FRAS1: variants seen among roughly 807,000 people sequenced by gnomAD.
The protein encoded by FRAS1 is Fraser extracellular matrix complex subunit 1, also known as extracellular matrix organizing protein FRAS1.
In FRAS1, 290 loss-of-function variants were observed where a neutral mutation model predicts 435.2. The observed-to-expected ratio is 0.67, with a 90% CI of 0.61 to 0.73. The LOEUF (loss-of-function observed/expected upper bound fraction) is 0.73. Ranked by LOEUF, FRAS1 falls within the 30% of genes least tolerant of loss-of-function variation. FRAS1 has a pLI of 0.00. For missense variants in FRAS1, 4,860 were observed against 5,001.5 expected (o/e 0.97, Z 0.85); for synonymous variants, 1,800 against 1,851.0 (o/e 0.97, Z 0.71).
rs186539897 is a variant in FRAS1 at position 78,343,285 on chromosome 4, A to G, written c.2422+5468A>G. 1.0e-4 allele frequency among the ~76,000 whole-genome samples: 14 copies of G among 138,686 alleles called. No individual in the cohort carries two copies. In the East Asian group the frequency reaches 2.7e-3, roughly 27 times the overall value. The allele number at this position is 138,686 out of a possible 152,430, so 91.0% of individuals were successfully genotyped here. A position where few individuals can be genotyped will look rare whatever the true frequency, so the allele number is the denominator to read the frequency against. On this transcript the variant is annotated intron_variant, in intron 20 of 73. Transcript: ENST00000512123. ...ATTATAGCCTCTTACAGGGTTAGCCAGTGATATGCAGAACAATATTTTGGA... is the reference window on the plus strand; with the variant it reads ...ATTATAGCCTCTTACAGGGTTAGCCGGTGATATGCAGAACAATATTTTGGA...
Position 78,252,550 on chromosome 4 carries a change from G to A in FRAS1, c.468G>A (p.Gly156=). The A allele has an allele frequency of 6.2e-7, 1 of 1,612,442 alleles. No individual in the cohort carries two copies. Among genetic ancestry groups the A allele is most frequent in the East Asian group, 2.2e-5 (1 of 44,836 alleles). Residue 156 remains glycine (G), a splice_region_variant and synonymous_variant, in exon 5 of 74, where the codon GGG becomes GGA. Transcript: ENST00000512123. The part of the protein sequence containing the change: ...GSCCPVCVGL[G]KPCSYEGHVF... ...GCTGCCCAGTTTGTGTGGGCCTTGGGAGTGAGTATGAGCTTGTAGAAGGGG... is the reference window on the plus strand; with the variant it reads ...GCTGCCCAGTTTGTGTGGGCCTTGGAAGTGAGTATGAGCTTGTAGAAGGGG...
chr4:78,334,712 T>C (rs1028083068), intron 19 of FRAS1, among the ~76,000 whole-genome samples: 2 of 152,134 alleles, frequency 1.3e-5, no homozygotes, highest in African/African-American at 4.8e-5. Context: ...TATGTACAGA[T>C]ACGTGTGTGT....
In FRAS1 at chr4:78,255,347, C is replaced by A; in HGVS notation, c.575C>A (p.Ala192Asp). 1 of 1,591,226 alleles carries A rather than the reference C, an allele frequency of 6.3e-7. No individual in the cohort carries two copies. The highest frequency in any genetic ancestry group is 8.6e-7 in the Non-Finnish European group (1 of 1,168,392). The change falls in exon 6 of 74, where the codon GCT (alanine) becomes GAT (aspartate). Residue 192 changes from alanine to aspartate, a missense_variant. By Grantham distance (126) the Ala-to-Asp change is moderately radical. Transcript: ENST00000512123. ...AATGGGGTTGCCCAGTGCTTCACAG[C>A]TCAGTGTCAGCCTCTATTTTGTAAC... The part of the protein sequence containing the change: ...CRNGVAQCFT[A>D]QCQPLFCNQD...
intron 32 of FRAS1, among the ~76,000 whole-genome samples, chr4:78,417,359 T>G (rs1733591514): frequency 6.6e-6 from 1 of 152,196 alleles, no homozygotes; most frequent in South Asian, 2.1e-4. Flanking sequence ...TCAGTTATTA[T>G]GATAGTTTTG....
chr4:78,512,428 A>T (rs1721069157), intron 64 of FRAS1, among the ~76,000 whole-genome samples: 1 of 152,188 alleles, frequency 6.6e-6, no homozygotes, highest in African/African-American at 2.4e-5. Flanking sequence ...GATTCTACTT[A>T]AAAATGTGAC....
rs1732450435 is a variant in FRAS1 at position 78,391,703 on chromosome 4, C to G, written c.3975+4002C>G. On this transcript the variant is annotated intron_variant, in intron 29 of 73. Transcript: ENST00000512123. ...GGTAATCCTTTAATGTCAAAAGTCC[C>G]CAAGTGTCATGCTAGGAACTGGATG... Among the ~76,000 whole-genome samples the G allele has an allele frequency of 2.0e-5, 3 of 152,088 alleles. No individual in the cohort carries two copies. The South Asian group carries it at 6.2e-4, about 32-fold the overall frequency.
intron 70 of FRAS1, among the ~76,000 whole-genome samples, chr4:78,530,561 T>C (rs1225265533): frequency 2.0e-5 from 3 of 152,114 alleles, no homozygotes; most frequent in South Asian, 2.1e-4. Flanking sequence ...ATAAATAGCA[T>C]TGGGAAAAGT....
At chr4:78,537,373 C>T (rs1721918308) in intron 72 of FRAS1, among the ~76,000 whole-genome samples, 173 bp downstream of exon 72, 1 of 152,170 alleles carries the variant, frequency 6.6e-6, no homozygotes. Context: ...GTGGTAGTTA[C>T]GATGAGTAAC....
intron 72 of FRAS1, 25 bp downstream of exon 72, chr4:78,537,225 G>A (rs1227112673): frequency 1.9e-6 from 3 of 1,602,312 alleles, no homozygotes; most frequent in Non-Finnish European, 2.6e-6. Flanking sequence ...CACTATTAGT[G>A]TTAAAGAGCA....
rs118167811 is a variant in FRAS1, at chr4:78,458,763, A to G, written c.6764-5258A>G. ...TAACCACCACCCCACCTCTGCACAG[A>G]TTGAATAAGATCAAATACTTGATCT... On this transcript the variant is annotated intron_variant, in intron 47 of 73. Coordinates refer to ENST00000512123, the MANE Select transcript of FRAS1 (RefSeq NM_025074.7). Among the ~76,000 whole-genome samples the G allele has an allele frequency of 1.3e-4, 20 of 152,318 alleles. No homozygotes were observed. The East Asian group carries it at 3.5e-3, about 26-fold the overall frequency.
chr4:78,070,781 C>A (rs186986365), intron 2 of FRAS1: 4 of 152,232 alleles, frequency 2.6e-5, no homozygotes, highest in Admixed American at 2.0e-4. Context: ...CACAAGCAAA[C>A]ACATATCCTT....
At chr4:78,135,124 A>G (rs1322636847) in intron 2 of FRAS1, among the ~76,000 whole-genome samples, 1 of 152,222 alleles carries the variant, frequency 6.6e-6, no homozygotes, top group Non-Finnish European at 1.5e-5. Context: ...AGATAAGCCA[A>G]AAACTTCCCC....
intron 29 of FRAS1, among the ~76,000 whole-genome samples, chr4:78,397,791 G>T (rs928839140): frequency 6.6e-6 from 1 of 152,166 alleles, no homozygotes; most frequent in East Asian, 1.9e-4. Flanking sequence ...CTCTTAGGCA[G>T]CATCCCACAA....
intron 14 of FRAS1, among the ~76,000 whole-genome samples, chr4:78,303,882 C>T (rs1728558071): frequency 6.7e-6 from 1 of 149,840 alleles, no homozygotes. Context: ...GCCAGAACTT[C>T]CAACACTATG....
At chr4:78,266,634 A>G (rs1206398315) in intron 7 of FRAS1, among the ~76,000 whole-genome samples, 200 bp from the exon 8 acceptor site, 2 of 152,256 alleles carry the variant, frequency 1.3e-5, no homozygotes, top group Non-Finnish European at 2.9e-5. Flanking sequence ...TAGGTGAATG[A>G]AAATTAAAGT....
rs1476433570 is a variant in FRAS1 at position 78,472,344 on chromosome 4, G to A, written c.7522+14G>A. The A allele has an allele frequency of 1.3e-6, 2 of 1,577,088 alleles. No homozygotes were observed. The highest frequency in any genetic ancestry group is 2.7e-5 in the African/African-American group (2 of 73,466). ...CTTTCACCCAGGGTGGGGACTCTCT[G>A]GGAACTTAGAAATGGGAGAAATCTA... On this transcript the variant is annotated intron_variant, in intron 52 of 73. Transcript: ENST00000512123.
At chr4:78,372,120 G>A in intron 23 of FRAS1, among the ~76,000 whole-genome samples, 1 of 152,142 alleles carries the variant, frequency 6.6e-6, no homozygotes, top group Admixed American at 6.5e-5. Context: ...CCGTTCTAAT[G>A]CCTAAATGAG....
Position 78,445,709 on chromosome 4 carries a change from T to C in FRAS1, c.5853T>C (p.Ile1951=), listed in dbSNP as rs1330775834. The C allele has an allele frequency of 6.2e-7, 1 of 1,613,898 alleles. No individual in the cohort carries two copies. The highest frequency in any genetic ancestry group is 2.2e-5 in the East Asian group (1 of 44,872). Residue 1951 remains isoleucine, a synonymous_variant, in exon 42 of 74, where the codon ATT becomes ATC. Transcript: ENST00000512123. ...RSEIHSINIT[I]ERKNDEPPRM... ...AAATTCACAGCATCAATATCACCATTGAGGTAAAGACTTTGGAAGTTGGAA... is the reference window on the plus strand; with the variant it reads ...AAATTCACAGCATCAATATCACCATCGAGGTAAAGACTTTGGAAGTTGGAA...
rs1731159321 is a variant in FRAS1 at position 78,363,589 on chromosome 4, C to T, written c.2499C>T (p.Ala833=). The T allele has an allele frequency of 2.5e-6, 4 of 1,611,722 alleles. No individual in the cohort carries two copies. Among genetic ancestry groups the T allele is most frequent in the Non-Finnish European group, 3.4e-6 (4 of 1,178,966 alleles). ...GCATCTGCCTCAGGTGCCAGAATGC[C>T]CACTACCTGCTGCTCGGGGACCACT... ...TGSICLRCQN[A]HYLLLGDHCV... The change falls in exon 21 of 74, where the codon GCC becomes GCT. Residue 833 remains alanine, a synonymous_variant. Transcript: ENST00000512123.
Sources: allele counts gnomAD v4.1 joint callset (sites outside exome capture counted in the v4.1 genomes callset), GRCh38; gene constraint gnomAD v4.1.1; transcripts MANE v1.5; gene names NCBI Gene and HGNC (gene_info 2026-07-23, HGNC 2026-07-21).